Variants in SGCD observed in about 807,000 individuals in gnomAD.
The protein encoded by SGCD is delta-sarcoglycan.
A neutral mutation model predicts 36.6 loss-of-function variants in SGCD; 18 were observed. That is an observed-to-expected ratio of 0.49 (90% CI 0.34 to 0.73). The LOEUF is 0.73. Ranked by LOEUF, SGCD falls within the 30% of genes least tolerant of loss-of-function variation. SGCD has a pLI of 0.01. For missense variants in SGCD, 387 were observed against 346.7 expected, an observed-to-expected ratio of 1.12 and a Z score of -0.92; for synonymous variants, 133 against 130.6, an observed-to-expected ratio of 1.02 and a Z score of -0.12.
chr5:156,663,045 T>C (rs1292189955), intron 7 of SGCD, among the ~76,000 whole-genome samples: 4 of 148,450 alleles, frequency 2.7e-5, no homozygotes, highest in Non-Finnish European at 6.0e-5. Flanking sequence ...TCTTCATTTT[T>C]CCCTAGTCCC....
In SGCD at chr5:156,622,957, A is replaced by G. The variant is rs182630937; in HGVS notation, c.503-24507A>G. 1.6e-4 allele frequency among the ~76,000 whole-genome samples: 24 copies of G among 152,232 alleles called. 1 individual carries two copies. The East Asian group carries it at 4.4e-3, about 28-fold the overall frequency. On this transcript the variant is annotated intron_variant, in intron 6 of 8. Transcript: ENST00000337851. ...CTTCTTGCTTCTGCTGTTTTCTCAA[A>G]TGTCAAGGAGCCATATTTTGGGGTA... is the stretch of plus-strand genomic sequence containing the variant.
chr5:156,026,946 G>A (rs1272059099), intron 1 of SGCD, among the ~76,000 whole-genome samples: 4 of 152,150 alleles, frequency 2.6e-5, no homozygotes, highest in Non-Finnish European at 4.4e-5. Flanking sequence ...ATGAATTGGT[G>A]TTACTGTGTT....
chr5:155,910,983 C>T (rs2113356176), intron 1 of SGCD, among the ~76,000 whole-genome samples: 1 of 152,186 alleles, frequency 6.6e-6, no homozygotes, highest in African/African-American at 2.4e-5. Context: ...GCTGCTTGTT[C>T]TATCACAGAG....
At chr5:155,981,006 A>G (rs1262387492) in intron 1 of SGCD, among the ~76,000 whole-genome samples, 2 of 152,166 alleles carry the variant, frequency 1.3e-5, no homozygotes, top group Non-Finnish European at 2.9e-5. Flanking sequence ...ATCCTTGTCT[A>G]TCTCTGAAGG....
chr5:156,538,729 G>T (rs1351333018), intron 4 of SGCD, among the ~76,000 whole-genome samples: 2 of 151,948 alleles, frequency 1.3e-5, no homozygotes, highest in Non-Finnish European at 1.5e-5. Flanking sequence ...AATGATTATT[G>T]CATAAATAGA....
chr5:156,581,597 G>A (rs569287441), intron 4 of SGCD, among the ~76,000 whole-genome samples: 8 of 152,260 alleles, frequency 5.3e-5, no homozygotes, highest in South Asian at 2.1e-4. Context: ...TTCCCTGGGC[G>A]CTTTGTTTAC....
rs374572745 is a variant in SGCD at position 156,643,923 on chromosome 5, A to G, written c.503-3541A>G. Among the ~76,000 whole-genome samples the G allele has an allele frequency of 2.6e-5, 4 of 152,156 alleles. No homozygotes were observed. In the East Asian group the frequency reaches 7.7e-4, roughly 29 times the overall value. Reference sequence around the variant, plus strand: ...TATTTTAACTCTGCCTTTTGAATCTATTGAACATTTTGCCCCAAGGTTTAA... The same window carrying G: ...TATTTTAACTCTGCCTTTTGAATCTGTTGAACATTTTGCCCCAAGGTTTAA... On this transcript the variant is annotated intron_variant, in intron 6 of 8. Transcript: ENST00000337851.
At chr5:156,279,100 A>G (rs1766385904) in intron 3 of SGCD, among the ~76,000 whole-genome samples, 1 of 152,276 alleles carries the variant, frequency 6.6e-6, no homozygotes. Context: ...CCAAAATTTC[A>G]GTAGTGCCAA....
chr5:156,755,707 G>A (rs1757309768), intron 7 of SGCD, among the ~76,000 whole-genome samples: 2 of 152,202 alleles, frequency 1.3e-5, no homozygotes, highest in African/African-American at 4.8e-5. Context: ...GAGGTGGGGA[G>A]TGGAGGATTT....
In SGCD at chr5:156,763,262, G is replaced by A. The variant is rs1232637941; in HGVS notation, c.*3872G>A. 1.3e-5 allele frequency: 2 copies of A among 152,616 alleles called. No homozygotes were observed. Among genetic ancestry groups the A allele is most frequent in the Non-Finnish European group, 2.9e-5 (2 of 68,064 alleles). 9.5% of individuals were successfully genotyped at this position (152,616 alleles called of 1,614,324 possible). ...AAGTTTTCCACTTCACCCTCCCATA[G>A]TCTAGAGGGATGCCCATTCCATGGT... On this transcript the variant is annotated 3_prime_UTR_variant, in exon 9 of 9. Transcript: ENST00000337851.
At chr5:156,664,821 C>G (rs1223692357) in intron 7 of SGCD, among the ~76,000 whole-genome samples, 1 of 136,302 alleles carries the variant, frequency 7.3e-6, no homozygotes, top group Non-Finnish European at 1.6e-5. Flanking sequence ...CTCCCTCTTT[C>G]ATATCTTTTA....
At chr5:156,595,759 A>G (rs1374549795) in intron 6 of SGCD, among the ~76,000 whole-genome samples, 1 of 152,220 alleles carries the variant, frequency 6.6e-6, no homozygotes, top group Non-Finnish European at 1.5e-5. Context: ...CATCTAGGAA[A>G]CTTTGGAAGG....
chr5:155,832,852 T>G, the SGCD span, among the ~76,000 whole-genome samples: 1 of 152,114 alleles, frequency 6.6e-6, no homozygotes, highest in Non-Finnish European at 1.5e-5. Context: ...TTCTCTTATA[T>G]GTACCTTTTC....
At chr5:156,653,710 C>T (rs1763564363) in intron 7 of SGCD, among the ~76,000 whole-genome samples, 1 of 151,760 alleles carries the variant, frequency 6.6e-6, no homozygotes, top group Admixed American at 6.6e-5. Context: ...TTCATGGTGC[C>T]ACATATTACT....
chr5:156,419,095 C>G (rs1268758132), intron 3 of SGCD, among the ~76,000 whole-genome samples: 3 of 152,016 alleles, frequency 2.0e-5, no homozygotes, highest in Non-Finnish European at 4.4e-5. Context: ...ATGTTTTTTT[C>G]AACCACCCAC....
intron 3 of SGCD, among the ~76,000 whole-genome samples, chr5:156,213,016 T>C (rs1357856543): frequency 1.3e-5 from 2 of 151,906 alleles, no homozygotes; most frequent in Non-Finnish European, 2.9e-5. Flanking sequence ...AATAGGGAAG[T>C]TTATAGTAAT....
At chr5:156,752,601 C>T (rs1290134312) in intron 7 of SGCD, among the ~76,000 whole-genome samples, 1 of 152,162 alleles carries the variant, frequency 6.6e-6, no homozygotes, top group Non-Finnish European at 1.5e-5. Context: ...ACCATGTTGG[C>T]CAGGCTGGTC....
intron 6 of SGCD, among the ~76,000 whole-genome samples, chr5:156,622,619 A>C (rs1432193154): frequency 6.6e-6 from 1 of 152,050 alleles, no homozygotes; most frequent in Non-Finnish European, 1.5e-5. Flanking sequence ...GAAATGAACA[A>C]CCAAAGAAAT....
At chr5:156,754,630 T>TA (rs1351524357) in intron 7 of SGCD, among the ~76,000 whole-genome samples, 1 of 152,226 alleles carries the variant, frequency 6.6e-6, no homozygotes, top group Non-Finnish European at 1.5e-5. Context: ...TGGAGTCCAC[T>TA]AAATTGAATT....
Sources: allele counts gnomAD v4.1 joint callset (sites outside exome capture counted in the v4.1 genomes callset), GRCh38; gene constraint gnomAD v4.1.1; transcripts MANE v1.5; gene names NCBI Gene and HGNC (gene_info 2026-07-23, HGNC 2026-07-21).